The following ROBO1 variants were observed in gnomAD, a reference collection of about 807,000 sequenced individuals.
The protein encoded by ROBO1 is roundabout guidance receptor 1.
A neutral mutation model predicts 195.9 loss-of-function variants in ROBO1; 149 were observed. That is an observed-to-expected ratio of 0.76 (90% CI 0.67 to 0.87). ROBO1 has a LOEUF of 0.87. ROBO1 is among the 40% of genes least tolerant of loss of function. The pLI, the probability that ROBO1 is intolerant of heterozygous loss-of-function variation, is 0.00. For synonymous variants in ROBO1, 816 were observed against 733.2 expected, an observed-to-expected ratio of 1.11 and a Z score of -1.82; for missense variants, 1,933 against 2,068.3, an observed-to-expected ratio of 0.93 and a Z score of 1.27.
intron 4 of ROBO1, among the ~76,000 whole-genome samples, chr3:78,915,336 T>C (rs1032197144): frequency 2.0e-5 from 3 of 152,172 alleles, no homozygotes; most frequent in Non-Finnish European, 4.4e-5. Context: ...CCACCAGGTG[T>C]TTCCGATTTA....
intron 2 of ROBO1, among the ~76,000 whole-genome samples, chr3:79,257,612 T>C (rs923388256): frequency 2.2e-4 from 33 of 152,102 alleles, no homozygotes; most frequent in Admixed American, 1.3e-4. Context: ...TTCCATTAGC[T>C]CATTTTATAC....
At chr3:78,950,445 G>C (rs1294299971) in intron 3 of ROBO1, among the ~76,000 whole-genome samples, 1 of 145,322 alleles carries the variant, frequency 6.9e-6, no homozygotes, top group African/African-American at 2.6e-5. Flanking sequence ...CTCACTCATA[G>C]GTGGGAATTG....
intron 2 of ROBO1, among the ~76,000 whole-genome samples, chr3:79,328,544 C>T (rs939329472): frequency 6.6e-6 from 1 of 152,054 alleles, no homozygotes; most frequent in African/African-American, 2.4e-5. Context: ...TCTTGAAAAC[C>T]ATAATACAAT....
chr3:79,623,555 G>A (rs1050585031), intron 1 of ROBO1, among the ~76,000 whole-genome samples: 2 of 152,114 alleles, frequency 1.3e-5, no homozygotes, highest in African/African-American at 2.4e-5. Flanking sequence ...GCATACATAA[G>A]AATCAACAGT....
At chr3:79,174,835 G>A (rs1242802544) in intron 2 of ROBO1, among the ~76,000 whole-genome samples, 1 of 147,932 alleles carries the variant, frequency 6.8e-6, no homozygotes, top group African/African-American at 2.5e-5. Context: ...CAGTCTGGGG[G>A]AGGGAGCAAG....
At chr3:78,967,070 C>T (rs943330415) in intron 3 of ROBO1, among the ~76,000 whole-genome samples, 2 of 152,148 alleles carry the variant, frequency 1.3e-5, no homozygotes, top group Admixed American at 1.3e-4. Flanking sequence ...GTAATAAATG[C>T]TAGGTATCCA....
rs1472718467 is a variant in ROBO1, at chr3:79,103,820, T to C, written c.172+21636A>G. On this transcript the variant is annotated intron_variant, in intron 3 of 30. Transcript: ENST00000464233. ...ATGAGGATTAAGCTTTCTCTGACTT[T>C]GCTATCATCAAAGAAAATTATTTGT... is the stretch of plus-strand genomic sequence containing the variant. 2.0e-5 allele frequency among the ~76,000 whole-genome samples: 3 copies of C among 151,852 alleles called. No homozygotes were observed. In the Admixed American group the frequency reaches 2.0e-4, roughly 10 times the overall value.
chr3:79,670,007 G>A (rs546679414), intron 1 of ROBO1, among the ~76,000 whole-genome samples: 7 of 151,780 alleles, frequency 4.6e-5, no homozygotes, highest in Non-Finnish European at 8.8e-5. Context: ...TGAGTACACA[G>A]CTTTACATTC....
chr3:79,713,870 T>C (rs1702373889), intron 1 of ROBO1, among the ~76,000 whole-genome samples: 2 of 152,168 alleles, frequency 1.3e-5, no homozygotes, highest in African/African-American at 4.8e-5. Context: ...CCATTGCTTG[T>C]TTTTGTCAGG....
chr3:79,251,180 G>A (rs1450608889), intron 2 of ROBO1, among the ~76,000 whole-genome samples: 1 of 152,074 alleles, frequency 6.6e-6, no homozygotes. Context: ...CAATTAAAAA[G>A]AGCAAATAAA....
intron 2 of ROBO1, among the ~76,000 whole-genome samples, chr3:79,557,979 C>T (rs1036471075): frequency 2.0e-5 from 3 of 151,972 alleles, no homozygotes; most frequent in Non-Finnish European, 2.9e-5. Flanking sequence ...ATTCAAGCCT[C>T]CAGTTAATGT....
chr3:78,938,275 A>G, intron 4 of ROBO1: 1 of 274,598 alleles, frequency 3.6e-6, no homozygotes, highest in South Asian at 4.1e-5. Context: ...GCTGAACTAT[A>G]GGCAGCACAT....
At chr3:78,631,370 GTTAA>G in intron 24 of ROBO1, 65 bp from the exon 25 acceptor site, 1 of 1,489,706 alleles carries the variant, frequency 6.7e-7, no homozygotes, top group South Asian at 1.3e-5. Flanking sequence ...TTAGTCACAA[GTTAA>G]TTATTTTTTG....
intron 2 of ROBO1, among the ~76,000 whole-genome samples, chr3:79,379,156 AGTGT>A (rs1559857749): frequency 1.3e-5 from 2 of 152,332 alleles, no homozygotes; most frequent in East Asian, 3.9e-4. Context: ...AGATAAGGAA[AGTGT>A]GGTCTAAAAG....
At chr3:78,761,469 A>C (rs1022735055) in intron 4 of ROBO1, among the ~76,000 whole-genome samples, 1 of 152,114 alleles carries the variant, frequency 6.6e-6, no homozygotes, top group East Asian at 1.9e-4. Context: ...TTTATATTCT[A>C]TGTTCTGAAA....
intron 4 of ROBO1, among the ~76,000 whole-genome samples, chr3:78,934,676 A>C (rs2039705029): frequency 6.6e-6 from 1 of 151,900 alleles, no homozygotes; most frequent in Non-Finnish European, 1.5e-5. Flanking sequence ...AGGGATTCTC[A>C]TCTATTCCAA....
intron 2 of ROBO1, among the ~76,000 whole-genome samples, chr3:79,176,689 C>A (rs2081266354): frequency 6.6e-6 from 1 of 152,112 alleles, no homozygotes; most frequent in African/African-American, 2.4e-5. Context: ...AACTCCTGAC[C>A]TCAAGTGATC....
At chr3:79,711,130 T>A (rs1702258443) in intron 1 of ROBO1, among the ~76,000 whole-genome samples, 1 of 152,164 alleles carries the variant, frequency 6.6e-6, no homozygotes, top group Admixed American at 6.6e-5. Flanking sequence ...GTAAAGAATA[T>A]GAATCTACTT....
At chr3:79,519,359 G>A (rs1410488937) in intron 2 of ROBO1, among the ~76,000 whole-genome samples, 1 of 152,026 alleles carries the variant, frequency 6.6e-6, no homozygotes, top group African/African-American at 2.4e-5. Context: ...GGCCGGGCCT[G>A]GTGGCTCACG....
Sources: allele counts gnomAD v4.1 joint callset (sites outside exome capture counted in the v4.1 genomes callset), GRCh38; gene constraint gnomAD v4.1.1; transcripts MANE v1.5; gene names NCBI Gene and HGNC (gene_info 2026-07-23, HGNC 2026-07-21).